QTMAN: variants seen among roughly 807,000 people sequenced by gnomAD.
QTMAN encodes tRNA-queuosine alpha-mannosyltransferase.
the QTMAN span, among the ~76,000 whole-genome samples, chr2:144,330,442 C>T: frequency 1.3e-5 from 2 of 152,132 alleles, no homozygotes; most frequent in African/African-American, 4.8e-5. Flanking sequence ...GACTAAACCA[C>T]GGTTTATATA....
At chr2:144,051,348 T>C in the QTMAN span, among the ~76,000 whole-genome samples, 1 of 152,196 alleles carries the variant, frequency 6.6e-6, no homozygotes, top group East Asian at 1.9e-4. Context: ...CTGGTCATTA[T>C]GGTGAGACCT....
the QTMAN span, among the ~76,000 whole-genome samples, chr2:144,220,319 T>C: frequency 5.3e-5 from 8 of 152,186 alleles, no homozygotes; most frequent in Non-Finnish European, 1.2e-4. Context: ...AAAGAAAAGG[T>C]ATACATAGAC....
At chr2:144,057,695 A>G in the QTMAN span, among the ~76,000 whole-genome samples, 1 of 152,192 alleles carries the variant, frequency 6.6e-6, no homozygotes, top group Non-Finnish European at 1.5e-5. Context: ...CCAAGTATTT[A>G]TGATTTCTCA....
the QTMAN span, among the ~76,000 whole-genome samples, chr2:144,248,263 G>T: frequency 1.3e-5 from 2 of 152,106 alleles, no homozygotes; most frequent in Non-Finnish European, 2.9e-5. Flanking sequence ...TGGACATGGA[G>T]AAATGTTCAT....
chr2:144,313,123 G>GA, the QTMAN span, among the ~76,000 whole-genome samples: 12 of 151,670 alleles, frequency 7.9e-5, 1 homozygote, highest in South Asian at 6.2e-4. Context: ...TCCTGGGCTG[G>GA]AAAAAAAAGG....
the QTMAN span, among the ~76,000 whole-genome samples, chr2:144,106,751 T>A: frequency 1.3e-5 from 2 of 152,104 alleles, no homozygotes; most frequent in African/African-American, 4.8e-5. Flanking sequence ...CTGCACCAAG[T>A]GGACCTAATA....
the QTMAN span, among the ~76,000 whole-genome samples, chr2:144,076,033 G>T: frequency 1.3e-5 from 2 of 152,188 alleles, no homozygotes; most frequent in Non-Finnish European, 1.5e-5. Flanking sequence ...TGGATCACGA[G>T]GTCAGGAGAT....
At chr2:144,173,725 T>C in the QTMAN span, among the ~76,000 whole-genome samples, 4 of 151,862 alleles carry the variant, frequency 2.6e-5, no homozygotes, top group African/African-American at 7.3e-5. Flanking sequence ...AAGTCTCACA[T>C]TGATATCTGA....
At chr2:143,992,479 T>C in the QTMAN span, among the ~76,000 whole-genome samples, 1 of 149,856 alleles carries the variant, frequency 6.7e-6, no homozygotes. Context: ...TCCACTATTG[T>C]CCTATGACCC....
At chr2:144,109,709 C>T in the QTMAN span, among the ~76,000 whole-genome samples, 2 of 151,754 alleles carry the variant, frequency 1.3e-5, no homozygotes, top group African/African-American at 2.4e-5. Context: ...AAAAAAACAA[C>T]CCCACCAAAA....
the QTMAN span, among the ~76,000 whole-genome samples, chr2:144,179,423 T>C: frequency 6.6e-6 from 1 of 152,166 alleles, no homozygotes; most frequent in African/African-American, 2.4e-5. Flanking sequence ...AAACATTGAA[T>C]GCCAACCCTC....
the QTMAN span, among the ~76,000 whole-genome samples, chr2:144,271,678 C>T: frequency 6.6e-6 from 1 of 152,138 alleles, no homozygotes; most frequent in Non-Finnish European, 1.5e-5. Context: ...CCTTTTTCTA[C>T]AGGGCTCTTT....
At chr2:144,043,938 T>C in the QTMAN span, among the ~76,000 whole-genome samples, 2 of 152,170 alleles carry the variant, frequency 1.3e-5, no homozygotes, top group African/African-American at 2.4e-5. Flanking sequence ...CACAGTATCA[T>C]ATCGGTTTTG....
At chr2:144,257,216 G>A in the QTMAN span, among the ~76,000 whole-genome samples, 2 of 151,774 alleles carry the variant, frequency 1.3e-5, no homozygotes, top group African/African-American at 4.8e-5. Context: ...ATCAAAATGA[G>A]AAATAATCCT....
At chr2:144,234,152 G>T in the QTMAN span, among the ~76,000 whole-genome samples, 1 of 152,096 alleles carries the variant, frequency 6.6e-6, no homozygotes, top group African/African-American at 2.4e-5. Context: ...CCTTCACAGA[G>T]AAAGAGGTGA....
the QTMAN span, among the ~76,000 whole-genome samples, chr2:144,110,162 C>T: frequency 1.3e-5 from 2 of 152,106 alleles, no homozygotes; most frequent in Admixed American, 6.5e-5. Context: ...CAATGATAGA[C>T]TGGATTAAGA....
At chr2:144,274,437 T>C in the QTMAN span, among the ~76,000 whole-genome samples, 1 of 152,312 alleles carries the variant, frequency 6.6e-6, no homozygotes, top group South Asian at 2.1e-4. Flanking sequence ...ATACAAATCA[T>C]GTAATTAGTG....
chr2:143,991,117 A>G, the QTMAN span, among the ~76,000 whole-genome samples: 39 of 152,266 alleles, frequency 2.6e-4, no homozygotes, highest in African/African-American at 9.1e-4. Context: ...GCTTAAAAAT[A>G]TGATAATAAG....
chr2:144,307,384 C>G, the QTMAN span, among the ~76,000 whole-genome samples: 1 of 152,050 alleles, frequency 6.6e-6, no homozygotes, highest in Non-Finnish European at 1.5e-5. Context: ...AGTCTGAATG[C>G]TTCCTCCCTG....
Sources: allele counts gnomAD v4.1 joint callset (sites outside exome capture counted in the v4.1 genomes callset), GRCh38; gene constraint gnomAD v4.1.1; transcripts MANE v1.5; gene names NCBI Gene and HGNC (gene_info 2026-07-23, HGNC 2026-07-21).